The following VPS13B variants were observed in gnomAD, a reference collection of about 807,000 sequenced individuals.
VPS13B encodes vacuolar protein sorting 13 homolog B.
Under a neutral mutation model 426.4 loss-of-function variants are expected in VPS13B, and 285 were observed. The ratio of observed to expected loss-of-function variants is 0.67; its 90% CI spans 0.61 to 0.74. The LOEUF (loss-of-function observed/expected upper bound fraction) is 0.74, where lower values mean the gene tolerates loss of function less well. Ranked by LOEUF, VPS13B falls within the 30% of genes least tolerant of loss-of-function variation. The pLI is 0.00. For synonymous variants in VPS13B, 1,676 were observed against 1,676.4 expected (o/e 1.00, Z 0.01); for missense variants, 4,537 against 4,782.6 (o/e 0.95, Z 1.51).
intron 19 of VPS13B, among the ~76,000 whole-genome samples, chr8:99,308,012 AT>A (rs1820732221): frequency 6.6e-6 from 1 of 152,040 alleles, no homozygotes; most frequent in African/African-American, 2.4e-5. Flanking sequence ...CATTGACCCA[AT>A]GGTCATTCAG....
intron 36 of VPS13B, among the ~76,000 whole-genome samples, chr8:99,716,725 GA>G (rs1255243336): frequency 1.3e-5 from 2 of 152,008 alleles, no homozygotes; most frequent in Non-Finnish European, 1.5e-5. Context: ...TGATTGTTTT[GA>G]ATTTTAACAT....
intron 17 of VPS13B, among the ~76,000 whole-genome samples, chr8:99,199,203 A>G (rs573936863): frequency 2.0e-5 from 3 of 152,164 alleles, no homozygotes; most frequent in African/African-American, 7.2e-5. Flanking sequence ...TTTTTTTGAG[A>G]TGGAGTCTCG....
At chr8:99,875,295 T>A in intron 61 of VPS13B, 123 bp from the exon 62 acceptor site, 2 of 1,334,460 alleles carry the variant, frequency 1.5e-6, no homozygotes, top group Non-Finnish European at 1.1e-6. Flanking sequence ...CATTCTGGAT[T>A]AATGGCTTTA....
intron 19 of VPS13B, among the ~76,000 whole-genome samples, chr8:99,322,967 A>T (rs1810057291): frequency 6.6e-6 from 1 of 152,226 alleles, no homozygotes; most frequent in African/African-American, 2.4e-5. Flanking sequence ...ACAGAATCAG[A>T]ATGTGAATTA....
intron 3 of VPS13B, among the ~76,000 whole-genome samples, chr8:99,053,810 C>T (rs182709667): frequency 1.3e-3 from 203 of 151,516 alleles, no homozygotes; most frequent in Non-Finnish European, 2.3e-3. Context: ...TCAAGTGATT[C>T]TCCTGCCTCA....
At chr8:99,173,156 T>C (rs1812448115) in intron 16 of VPS13B, among the ~76,000 whole-genome samples, 3 of 152,210 alleles carry the variant, frequency 2.0e-5, no homozygotes, top group Admixed American at 2.0e-4. Context: ...AGCAAAGTTA[T>C]TGAACAGATC....
chr8:99,274,415 A>C, intron 18 of VPS13B, 83 bp downstream of exon 18: 4 of 1,597,124 alleles, frequency 2.5e-6, no homozygotes, highest in Non-Finnish European at 3.4e-6. Flanking sequence ...TTACTGAAAC[A>C]AGAATTTACT....
chr8:99,601,023 A>C (rs1488573149), intron 33 of VPS13B, among the ~76,000 whole-genome samples: 1 of 151,974 alleles, frequency 6.6e-6, no homozygotes, highest in Non-Finnish European at 1.5e-5. Context: ...ATTATACTTT[A>C]AGTTCTGGGA....
At position 99,539,540 on chromosome 8, in the gene VPS13B, G is replaced by A. The variant is rs1193620371; in HGVS notation, c.4746-16910G>A. Among the ~76,000 whole-genome samples the A allele has an allele frequency of 3.3e-5, 5 of 152,176 alleles. No homozygotes were observed. The East Asian group carries it at 9.7e-4, about 29-fold the overall frequency. ...GTGGGAGTATTGTTTGAGGCCAGGG[G>A]TTTGATACCAACCTGGTCAGCAAAA... On this transcript the variant is annotated intron_variant, in intron 30 of 61. Coordinates refer to ENST00000357162, the MANE Select transcript of VPS13B (RefSeq NM_152564.5).
rs79694038 is a variant in VPS13B, at chr8:99,623,651, C to T, written c.5221-18160C>T. ...TATGCTGCTTCTGGTAGCAGTTGAC[C>T]AATACAGAGCCTTATGTGGTAAAAC... On this transcript the variant is annotated intron_variant, in intron 33 of 61. Coordinates refer to ENST00000357162, the MANE Select transcript of VPS13B (RefSeq NM_152564.5). 6.0e-4 allele frequency among the ~76,000 whole-genome samples: 91 copies of T among 152,182 alleles called. No homozygotes were observed. In the East Asian group the frequency reaches 0.014, roughly 23 times the overall value.
chr8:99,175,420 T>C (rs866081750), intron 16 of VPS13B, among the ~76,000 whole-genome samples: 1 of 152,212 alleles, frequency 6.6e-6, no homozygotes, highest in Non-Finnish European at 1.5e-5. Flanking sequence ...TATGAATGCA[T>C]ACAATTTATG....
At chr8:99,673,208 A>G (rs988572819) in intron 35 of VPS13B, among the ~76,000 whole-genome samples, 1 of 152,016 alleles carries the variant, frequency 6.6e-6, no homozygotes, top group Non-Finnish European at 1.5e-5. Context: ...AATTGGTGGT[A>G]TTAGATATTT....
At chr8:99,153,843 A>G (rs1811207502) in intron 14 of VPS13B, among the ~76,000 whole-genome samples, 1 of 151,936 alleles carries the variant, frequency 6.6e-6, no homozygotes, top group African/African-American at 2.4e-5. Context: ...TCTCTGAAGA[A>G]TTTAACACAT....
At chr8:99,234,500 A>G in intron 17 of VPS13B, 1 of 530,454 alleles carries the variant, frequency 1.9e-6, no homozygotes, top group Non-Finnish European at 3.7e-6. Context: ...ACACGCCGGT[A>G]GGGAAGGGGC....
At chr8:99,447,371 T>C (rs1817974029) in intron 23 of VPS13B, among the ~76,000 whole-genome samples, 1 of 152,200 alleles carries the variant, frequency 6.6e-6, no homozygotes, top group Admixed American at 6.5e-5. Context: ...TGTGAGAGGA[T>C]CATATAAAGA....
chr8:99,313,516 C>T (rs1458720843), intron 19 of VPS13B, among the ~76,000 whole-genome samples: 3 of 152,126 alleles, frequency 2.0e-5, no homozygotes, highest in South Asian at 4.1e-4. Context: ...GCTGCCTGAT[C>T]GTTCCTCTGG....
intron 56 of VPS13B, among the ~76,000 whole-genome samples, chr8:99,854,622 T>C (rs1816457254): frequency 6.6e-6 from 1 of 151,104 alleles, no homozygotes; most frequent in South Asian, 2.1e-4. Flanking sequence ...ACACACTTTT[T>C]TTTAGCAACT....
intron 14 of VPS13B, among the ~76,000 whole-genome samples, chr8:99,149,956 T>C (rs1490396780): frequency 2.0e-5 from 3 of 152,154 alleles, no homozygotes; most frequent in Non-Finnish European, 4.4e-5. Context: ...TGTGGAAAGA[T>C]TGTCTTCAAT....
intron 8 of VPS13B, among the ~76,000 whole-genome samples, chr8:99,122,629 A>T (rs1026656110): frequency 6.6e-6 from 1 of 152,172 alleles, no homozygotes; most frequent in South Asian, 2.1e-4. Context: ...ATTACCATAC[A>T]TGTAATATTC....
Sources: allele counts gnomAD v4.1 joint callset (sites outside exome capture counted in the v4.1 genomes callset), GRCh38; gene constraint gnomAD v4.1.1; transcripts MANE v1.5; gene names NCBI Gene and HGNC (gene_info 2026-07-23, HGNC 2026-07-21).